Variants in TEAD1 observed in about 807,000 individuals in gnomAD.
The protein encoded by TEAD1 is transcriptional enhancer factor TEF-1.
A neutral mutation model predicts 54.9 loss-of-function variants in TEAD1; 9 were observed. The ratio of observed to expected loss-of-function variants is 0.16; its 90% CI spans 0.10 to 0.29. TEAD1 has a LOEUF of 0.29. Ranked by LOEUF, TEAD1 falls within the 10% of genes least tolerant of loss-of-function variation. The pLI is 1.00. For synonymous variants in TEAD1, 200 were observed against 187.8 expected, an observed-to-expected ratio of 1.07 and a Z score of -0.53; for missense variants, 387 against 535.9, an observed-to-expected ratio of 0.72 and a Z score of 2.74.
At chr11:12,725,612 TAA>T (rs11316204) in intron 2 of TEAD1, among the ~76,000 whole-genome samples, 25 of 151,280 alleles carry the variant, frequency 1.7e-4, no homozygotes, top group South Asian at 6.3e-4. Context: ...ACGTATCAGT[TAA>T]AAAAAAAATT....
intron 4 of TEAD1, among the ~76,000 whole-genome samples, chr11:12,862,768 G>T (rs1947533460): frequency 1.3e-5 from 2 of 152,196 alleles, no homozygotes; most frequent in South Asian, 4.1e-4. Context: ...TGGCCTGAAT[G>T]TAATGCTAAA....
Position 12,940,853 on chromosome 11 carries a change from C to G in TEAD1, c.*3631C>G. On this transcript the variant is annotated 3_prime_UTR_variant, in exon 13 of 13. Transcript: ENST00000527636. The stretch of plus-strand genomic sequence containing the variant: ...CTGTTCTGTAAATTTATTGAAACCT[C>G]TGGAACATTTCACCTTTAGAGATGG... 6.6e-6 allele frequency: 1 copy of G among 152,306 alleles called. No homozygotes were observed. The highest frequency in any genetic ancestry group is 1.5e-5 in the Non-Finnish European group (1 of 68,042). 9.4% of individuals were successfully genotyped at this position (152,306 alleles called of 1,614,324 possible).
chr11:12,932,870 G>A (rs146303034), intron 12 of TEAD1, among the ~76,000 whole-genome samples: 75 of 152,140 alleles, frequency 4.9e-4, no homozygotes, highest in African/African-American at 1.8e-3. Flanking sequence ...CCCTATATAG[G>A]TGAACTACTT....
At chr11:12,858,753 C>G (rs1224633390) in intron 3 of TEAD1, among the ~76,000 whole-genome samples, 1 of 152,204 alleles carries the variant, frequency 6.6e-6, no homozygotes, top group Non-Finnish European at 1.5e-5. Context: ...GCCCAGGCCA[C>G]AGTACTCAGT....
intron 3 of TEAD1, among the ~76,000 whole-genome samples, chr11:12,821,304 G>A (rs145654112): frequency 6.6e-6 from 1 of 152,266 alleles, no homozygotes; most frequent in African/African-American, 2.4e-5. Flanking sequence ...TTGAATTCTG[G>A]CCCCAGTTCC....
At chr11:12,856,569 T>C (rs555386586) in intron 3 of TEAD1, among the ~76,000 whole-genome samples, 1 of 152,268 alleles carries the variant, frequency 6.6e-6, no homozygotes, top group South Asian at 2.1e-4. Context: ...AAACATTCGA[T>C]AATCTAGTAG....
chr11:12,781,295 A>AAT (rs748085516), intron 3 of TEAD1, among the ~76,000 whole-genome samples: 3 of 152,234 alleles, frequency 2.0e-5, no homozygotes. Flanking sequence ...TGACAACAAA[A>AAT]GTATAAGTGG....
intron 3 of TEAD1, among the ~76,000 whole-genome samples, chr11:12,797,332 G>A (rs112142493): frequency 1.9e-3 from 288 of 152,310 alleles, no homozygotes; most frequent in African/African-American, 6.1e-3. Context: ...AGAATGTGGG[G>A]AAGGGGCTCA....
chr11:12,889,815 A>G (rs12287788), intron 9 of TEAD1, among the ~76,000 whole-genome samples: 18,072 of 152,118 alleles, frequency 0.12, 1,281 homozygotes, highest in South Asian at 0.23. Context: ...TCGACCTCCC[A>G]GGCTCAAGGG....
intron 9 of TEAD1, among the ~76,000 whole-genome samples, chr11:12,900,696 T>C (rs1948411704): frequency 6.6e-6 from 1 of 152,200 alleles, no homozygotes; most frequent in Admixed American, 6.5e-5. Context: ...TGTACATTCT[T>C]AACCCATGTA....
intron 10 of TEAD1, among the ~76,000 whole-genome samples, chr11:12,909,535 G>GT (rs1948581584): frequency 6.6e-6 from 1 of 151,594 alleles, no homozygotes; most frequent in African/African-American, 2.4e-5. Flanking sequence ...GGGGTGGGGG[G>GT]CGAGGGGAGG....
At chr11:12,851,620 C>A (rs927094591) in intron 3 of TEAD1, among the ~76,000 whole-genome samples, 3 of 151,872 alleles carry the variant, frequency 2.0e-5, no homozygotes, top group Non-Finnish European at 4.4e-5. Context: ...ATTGTGAAAC[C>A]CCCTTGTGTC....
intron 3 of TEAD1, among the ~76,000 whole-genome samples, chr11:12,839,986 G>A (rs938813861): frequency 1.3e-5 from 2 of 151,966 alleles, no homozygotes; most frequent in East Asian, 1.9e-4. Flanking sequence ...GGTGGTTCAC[G>A]CCTGTAATCC....
At chr11:12,727,615 CTG>C (rs1248685003) in intron 2 of TEAD1, among the ~76,000 whole-genome samples, 2 of 152,206 alleles carry the variant, frequency 1.3e-5, no homozygotes, top group Non-Finnish European at 2.9e-5. Flanking sequence ...ATACCATACT[CTG>C]TACTGTATAC....
chr11:12,783,891 A>G (rs1485478658), intron 3 of TEAD1, among the ~76,000 whole-genome samples: 1 of 152,146 alleles, frequency 6.6e-6, no homozygotes, highest in Non-Finnish European at 1.5e-5. Flanking sequence ...TCGAACAGTA[A>G]GATTAGAGGT....
Position 12,902,165 on chromosome 11 carries a change from C to G in TEAD1, c.873+52C>G, listed in dbSNP as rs910625283. ...GTGGTTTTTGTCTGAATGGTCACAT[C>G]TCTTACATGAGCACAGTGCAGCACA... is the stretch of plus-strand genomic sequence containing the variant. On this transcript the variant is annotated intron_variant, in intron 10 of 12. Transcript: ENST00000527636. The G allele has an allele frequency of 3.7e-6, 6 of 1,606,430 alleles. No homozygotes were observed. The African/African-American group carries it at 8.0e-5, about 21-fold the overall frequency.
chr11:12,677,040 A>G (rs1424125102), intron 2 of TEAD1, among the ~76,000 whole-genome samples: 1 of 152,174 alleles, frequency 6.6e-6, no homozygotes, highest in South Asian at 2.1e-4. Context: ...TGCTTTGACA[A>G]TATGGGTAAA....
intron 3 of TEAD1, among the ~76,000 whole-genome samples, chr11:12,794,616 C>T (rs981477968): frequency 6.6e-6 from 1 of 152,200 alleles, no homozygotes; most frequent in Non-Finnish European, 1.5e-5. Flanking sequence ...TAACGCAGTT[C>T]TGCCGGAGGC....
chr11:12,752,020 C>T (rs116621670), intron 2 of TEAD1, among the ~76,000 whole-genome samples: 289 of 152,256 alleles, frequency 1.9e-3, no homozygotes, highest in African/African-American at 6.4e-3. Context: ...GTCTGTGTGA[C>T]GTGATGAGCA....
Sources: gnomAD v4.1 joint callset for allele counts (sites outside exome capture counted in the v4.1 genomes callset) on GRCh38, gnomAD v4.1.1 for gene constraint, MANE v1.5 for transcripts, NCBI Gene and HGNC (gene_info 2026-07-23, HGNC 2026-07-21) for gene names.